The following TNRC6B variants were observed in gnomAD, a reference collection of about 807,000 sequenced individuals.
TNRC6B encodes trinucleotide repeat-containing gene 6B protein.
In TNRC6B, 52 loss-of-function variants were observed where a neutral mutation model predicts 203.6. The ratio of observed to expected loss-of-function variants is 0.26; its 90% CI spans 0.20 to 0.32. The LOEUF is 0.32. Ranked by LOEUF, TNRC6B falls within the 10% of genes least tolerant of loss-of-function variation. The pLI, the probability that TNRC6B is intolerant of heterozygous loss-of-function variation, is 1.00. For missense variants in TNRC6B, 1,923 were observed against 2,286.2 expected, an observed-to-expected ratio of 0.84 and a Z score of 3.24; for synonymous variants, 838 against 845.7, an observed-to-expected ratio of 0.99 and a Z score of 0.16.
intron 1 of TNRC6B, among the ~76,000 whole-genome samples, chr22:40,053,467 A>G (rs1440291011): frequency 7.0e-6 from 1 of 143,656 alleles, no homozygotes; most frequent in Non-Finnish European, 1.5e-5. Flanking sequence ...AAAATTCAAA[A>G]ACTACAGTAT....
chr22:40,137,401 A>AG (rs1302859942), intron 3 of TNRC6B, among the ~76,000 whole-genome samples: 2 of 152,236 alleles, frequency 1.3e-5, no homozygotes, highest in Non-Finnish European at 2.9e-5. Context: ...ATCCTGGACA[A>AG]GTTACACGGC....
chr22:40,245,091 A>C (rs1195122907), intron 1 of TNRC6B, among the ~76,000 whole-genome samples: 1 of 151,734 alleles, frequency 6.6e-6, no homozygotes, highest in African/African-American at 2.4e-5. Flanking sequence ...TTATTTATTT[A>C]TTTATTTATT....
At position 40,186,112 on chromosome 22, in the gene TNRC6B, A is replaced by C. The variant is rs543713846; in HGVS notation, c.5+7972A>C. Among the ~76,000 whole-genome samples, 9 of 152,226 alleles carry C rather than the reference A, an allele frequency of 5.9e-5. 1 individual carries two copies. In the South Asian group the frequency reaches 1.9e-3, roughly 32 times the overall value. ...AGGTAAGGGAGAGGATGAGGTCACCATGGGACTGTAAAGAATAGAAAAAAG... is the reference window on the plus strand; with the variant it reads ...AGGTAAGGGAGAGGATGAGGTCACCCTGGGACTGTAAAGAATAGAAAAAAG... On this transcript the variant is annotated intron_variant, in intron 1 of 22. Coordinates refer to ENST00000454349, the MANE Select transcript of TNRC6B (RefSeq NM_001162501.2).
chr22:40,240,405 A>G (rs2070012504), intron 1 of TNRC6B, among the ~76,000 whole-genome samples: 1 of 152,182 alleles, frequency 6.6e-6, no homozygotes, highest in Non-Finnish European at 1.5e-5. Context: ...TAACCTTTTC[A>G]GGTCAAGACA....
In TNRC6B at chr22:40,273,466, C is replaced by T. The variant is rs952219492; in HGVS notation, c.3007C>T (p.Pro1003Ser). 2 of 1,609,972 alleles carry T rather than the reference C, an allele frequency of 1.2e-6. No individual in the cohort carries two copies. The highest frequency in any genetic ancestry group is 1.3e-5 in the African/African-American group (1 of 74,828). Residue 1003 changes from proline to serine, a missense_variant, in exon 7 of 23, where the codon CCA becomes TCA. Transcript: ENST00000454349. The stretch of plus-strand genomic sequence containing the variant: ...AGACGGCTGGGGGGAGAGTGACGGG[C>T]CAGTCACAGGAGCTCGCCATCCCAG... ...MQDGWGESDG[P>S]VTGARHPSWE... is the part of the protein sequence containing the mutation.
At chr22:40,072,553 G>A (rs543646951) in intron 1 of TNRC6B, among the ~76,000 whole-genome samples, 1 of 152,142 alleles carries the variant, frequency 6.6e-6, no homozygotes, top group South Asian at 2.1e-4. Context: ...AACTTTTATT[G>A]AGCACTAACT....
chr22:40,219,915 T>C (rs1213739785), intron 1 of TNRC6B, among the ~76,000 whole-genome samples: 1 of 152,200 alleles, frequency 6.6e-6, no homozygotes, highest in African/African-American at 2.4e-5. Flanking sequence ...TTTGGTCTTT[T>C]TCTCCTCTGT....
chr22:40,327,613 AC>A lies in TNRC6B; in HGVS notation c.*4374del, dbSNP rs770317624. The A allele has an allele frequency of 2.6e-5, 4 of 152,040 alleles. No homozygotes were observed. The highest frequency in any genetic ancestry group is 5.9e-5 in the Non-Finnish European group (4 of 68,052). 9.4% of individuals were successfully genotyped at this position (152,040 alleles called of 1,614,324 possible). On this transcript the variant is annotated 3_prime_UTR_variant, in exon 23 of 23. Transcript: ENST00000454349. Reference sequence around the variant, plus strand: ...AGCTTTGCTTTATTGGTTGGCAGTGACCTAAGAACAGGATATGGTGAGGATG... The same window carrying A: ...AGCTTTGCTTTATTGGTTGGCAGTGACTAAGAACAGGATATGGTGAGGATG...
chr22:40,271,034 T>G (rs2070555922), intron 6 of TNRC6B, among the ~76,000 whole-genome samples: 1 of 152,240 alleles, frequency 6.6e-6, no homozygotes, highest in South Asian at 2.1e-4. Flanking sequence ...TAAGAGCATT[T>G]CAGATTTTTT....
chr22:40,273,396 C>A (rs778942372), intron 6 of TNRC6B, 29 bp from the exon 7 acceptor site: 3 of 1,552,934 alleles, frequency 1.9e-6, no homozygotes, highest in Non-Finnish European at 1.7e-6. Flanking sequence ...ATAGCTGTTG[C>A]AAAGAGTTAA....
At chr22:40,138,587 G>T (rs1258576885) in intron 3 of TNRC6B, among the ~76,000 whole-genome samples, 1 of 152,104 alleles carries the variant, frequency 6.6e-6, no homozygotes, top group Non-Finnish European at 1.5e-5. Flanking sequence ...CTTTTAACTG[G>T]GTGTGGATTT....
At chr22:40,124,520 G>T (rs530209473) in intron 2 of TNRC6B, among the ~76,000 whole-genome samples, 3 of 151,768 alleles carry the variant, frequency 2.0e-5, no homozygotes, top group Non-Finnish European at 2.9e-5. Flanking sequence ...GTGGGGTTTC[G>T]CCCCCAGGCT....
intron 1 of TNRC6B, among the ~76,000 whole-genome samples, chr22:40,225,586 A>C (rs896219889): frequency 6.6e-6 from 1 of 152,014 alleles, no homozygotes; most frequent in East Asian, 1.9e-4. Flanking sequence ...TTTAAAATAA[A>C]ATAAAACTTA....
intron 1 of TNRC6B, among the ~76,000 whole-genome samples, chr22:40,238,393 AT>A (rs1450590900): frequency 9.2e-5 from 14 of 152,164 alleles, no homozygotes; most frequent in Non-Finnish European, 1.8e-4. Context: ...ACCAGTCGCA[AT>A]TTGATTCCTT....
rs143967852 is a variant in TNRC6B, at chr22:40,309,658, A to G, written c.4258+1009A>G. Reference sequence around the variant, plus strand: ...GATTCACCAGGTCCCCTTGTCCCCAAAGACATGATAGGTGCATGATAATAA... The same window carrying G: ...GATTCACCAGGTCCCCTTGTCCCCAGAGACATGATAGGTGCATGATAATAA... On this transcript the variant is annotated intron_variant, in intron 16 of 22. Coordinates refer to ENST00000454349, the MANE Select transcript of TNRC6B (RefSeq NM_001162501.2). Among the ~76,000 whole-genome samples, 6 of 152,344 alleles carry G rather than the reference A, an allele frequency of 3.9e-5. No homozygotes were observed. In the East Asian group the frequency reaches 1.2e-3, roughly 29 times the overall value.
chr22:40,273,417 C>G lies in TNRC6B; in HGVS notation c.2966-8C>G. ...GTTGCAAAGAGTTAATTCATTCTTT[C>G]CTTAAAGATTCCAAATCTATGCAAG... is the stretch of plus-strand genomic sequence containing the variant. On this transcript the variant is annotated splice_region_variant and splice_polypyrimidine_tract_variant and intron_variant, in intron 6 of 22. Transcript: ENST00000454349. 1.9e-6 allele frequency: 3 copies of G among 1,591,848 alleles called. No homozygotes were observed. Among genetic ancestry groups the G allele is most frequent in the Non-Finnish European group, 2.6e-6 (3 of 1,170,526 alleles).
intron 17 of TNRC6B, among the ~76,000 whole-genome samples, 158 bp from the exon 18 acceptor site, chr22:40,312,347 A>G (rs1274013068): frequency 6.6e-6 from 1 of 152,240 alleles, no homozygotes; most frequent in Non-Finnish European, 1.5e-5. Flanking sequence ...GAGTATGTTC[A>G]TGGTGATTTT....
Position 40,158,576 on chromosome 22 carries a change from C to G in TNRC6B, c.113+2394C>G, listed in dbSNP as rs192205207. Reference sequence around the variant, plus strand: ...CAGGAAATGTTGCTGGGCAGATTCTCCTACAAGTTTTATGTTATACAAACT... The same window carrying G: ...CAGGAAATGTTGCTGGGCAGATTCTGCTACAAGTTTTATGTTATACAAACT... On this transcript the variant is annotated intron_variant, in intron 4 of 23. Transcript: ENST00000301923. Among the ~76,000 whole-genome samples, 387 of 152,270 alleles carry G rather than the reference C, an allele frequency of 2.5e-3. 1 individual carries two copies. The highest frequency in any genetic ancestry group is 9.1e-3 in the African/African-American group (377 of 41,542).
intron 5 of TNRC6B, 26 bp downstream of exon 5, chr22:40,267,062 T>C (rs2070492548): frequency 2.7e-6 from 4 of 1,508,626 alleles, no homozygotes; most frequent in Non-Finnish European, 3.5e-6. Flanking sequence ...CTCTTGCAGC[T>C]TTTGATGAAG....
Sources: allele counts gnomAD v4.1 joint callset (sites outside exome capture counted in the v4.1 genomes callset), GRCh38; gene constraint gnomAD v4.1.1; transcripts MANE v1.5; gene names NCBI Gene and HGNC (gene_info 2026-07-23, HGNC 2026-07-21).